The following SELENON variants were observed in gnomAD, a reference collection of about 807,000 sequenced individuals.
The protein encoded by SELENON is selenoprotein N, 1.
A neutral mutation model predicts 59.5 loss-of-function variants in SELENON; 44 were observed. That is an observed-to-expected ratio of 0.74 (90% confidence interval 0.58 to 0.95). The LOEUF is 0.95. SELENON is among the 40% of genes least tolerant of loss of function. SELENON has a pLI of 0.00. For synonymous variants in SELENON, 320 were observed against 305.6 expected (o/e 1.05, Z -0.49); for missense variants, 674 against 721.4 (o/e 0.93, Z 0.75).
chr1:25,814,746 C>G (rs1418867186), intron 12 of SELENON, among the ~76,000 whole-genome samples: 1 of 152,166 alleles, frequency 6.6e-6, no homozygotes, highest in Non-Finnish European at 1.5e-5. Context: ...CCGAGGCCTG[C>G]CCTTGAGCCT....
intron 10 of SELENON, among the ~76,000 whole-genome samples, chr1:25,813,394 G>A (rs1300093168): frequency 6.6e-6 from 1 of 152,246 alleles, no homozygotes; most frequent in East Asian, 1.9e-4. Flanking sequence ...GAGACACAGT[G>A]CAAAGGCAGA....
chr1:25,811,486 G>A lies in SELENON; in HGVS notation c.1043G>A (p.Gly348Glu). The A allele has an allele frequency of 6.2e-7, 1 of 1,614,092 alleles. No homozygotes were observed. The change falls in exon 8 of 13, where the codon GGG becomes GAG. Residue 348 changes from glycine to glutamate, a missense_variant. Physicochemically the swap from Gly to Glu is moderately conservative, Grantham distance 98. Coordinates refer to ENST00000361547, the MANE Select transcript of SELENON (RefSeq NM_020451.3). ...AATGTGGACATGGAGTGGCTTTACG[G>A]GGCCAGTGAAAGCAGCAACATGGAG...
In SELENON at chr1:25,809,777, G is replaced by A. The variant is rs1345963617; in HGVS notation, c.967G>A (p.Ala323Thr). The change falls in exon 7 of 13, where the codon GCC (alanine) becomes ACC (threonine). Residue 323 changes from alanine to threonine, a missense_variant. By Grantham distance (58) the Ala-to-Thr change is moderately conservative. Coordinates refer to ENST00000361547, the MANE Select transcript of SELENON (RefSeq NM_020451.3). ...CGGCCACATCATCCTCTCCAAAGAC[G>A]CCACCCACGTCCGCGACTTCCGGCT... is the stretch of plus-strand genomic sequence containing the variant. 3.7e-6 allele frequency: 6 copies of A among 1,613,954 alleles called. No individual in the cohort carries two copies. Among genetic ancestry groups the A allele is most frequent in the Admixed American group, 1.7e-5 (1 of 60,012 alleles).
intron 3 of SELENON, among the ~76,000 whole-genome samples, chr1:25,802,886 G>C (rs1459505812): frequency 6.6e-6 from 1 of 152,198 alleles, no homozygotes; most frequent in Admixed American, 6.5e-5. Context: ...GTGTAAGTCA[G>C]TCATTGATGG....
In SELENON at chr1:25,813,853, C is replaced by T. The variant is rs761998882; in HGVS notation, c.1388-28C>T. ...ATTGCACCCCAGCAAGATGTGGGGGCGCCTCACCCTTCTGTCTTCCTGAAC... is the reference window on the plus strand; with the variant it reads ...ATTGCACCCCAGCAAGATGTGGGGGTGCCTCACCCTTCTGTCTTCCTGAAC... On this transcript the variant is annotated intron_variant, in intron 10 of 12. Transcript: ENST00000361547. 9.6e-6 allele frequency: 15 copies of T among 1,565,176 alleles called. No individual in the cohort carries two copies. In the African/African-American group the frequency reaches 1.5e-4, roughly 16 times the overall value.
At chr1:25,808,905 C>T in intron 5 of SELENON, 116 bp downstream of exon 4, 1 of 1,575,606 alleles carries the variant, frequency 6.3e-7, no homozygotes. Context: ...TCCTGCCTTC[C>T]TCTGGACCTG....
chr1:25,812,827 G>A lies in SELENON; in HGVS notation c.1387+35G>A, dbSNP rs370258557. Reference sequence around the variant, plus strand: ...CCGGCTGGATCTAAGGGGAGCAGTGGGAAAGTCCACACCTTGTGGGGTACC... The same window carrying A: ...CCGGCTGGATCTAAGGGGAGCAGTGAGAAAGTCCACACCTTGTGGGGTACC... On this transcript the variant is annotated intron_variant, in intron 10 of 12. Coordinates refer to ENST00000361547, the MANE Select transcript of SELENON (RefSeq NM_020451.3). 1.1e-5 allele frequency: 16 copies of A among 1,515,106 alleles called. No homozygotes were observed. The African/African-American group carries it at 2.2e-4, about 21-fold the overall frequency. 93.9% of individuals were successfully genotyped at this position (1,515,106 alleles called of 1,614,324 possible).
intron 9 of SELENON, among the ~76,000 whole-genome samples, chr1:25,812,166 C>T (rs1361266844): frequency 2.0e-5 from 3 of 152,212 alleles, no homozygotes; most frequent in East Asian, 1.9e-4. Flanking sequence ...CATAGCGAGA[C>T]CCCATATCTA....
At chr1:25,812,365 AAAT>A (rs749667268) in intron 9 of SELENON, among the ~76,000 whole-genome samples, 11 of 152,044 alleles carry the variant, frequency 7.2e-5, no homozygotes, top group Non-Finnish European at 4.4e-5. Flanking sequence ...AAATAAATGA[AAAT>A]AATAATAATA....
Position 25,809,104 on chromosome 1 carries a change from G to T in SELENON, c.826G>T (p.Ala276Ser). ...CCGCTTTGCCCCTCAGGGAGCTGTG[G>T]CCTGCCTGACTGCCATCAGCGACTT... Residue 276 changes from alanine (A) to serine (S), a missense_variant, in exon 6 of 13, where the codon GCC becomes TCC. Ala to Ser is a moderately conservative substitution (Grantham distance 99). Transcript: ENST00000361547. 6.2e-7 allele frequency: 1 copy of T among 1,613,806 alleles called. No homozygotes were observed. Among genetic ancestry groups the T allele is most frequent in the Non-Finnish European group, 8.5e-7 (1 of 1,180,032 alleles).
intron 7 of SELENON, among the ~76,000 whole-genome samples, chr1:25,810,367 C>A (rs1440940243): frequency 6.6e-6 from 1 of 152,246 alleles, no homozygotes; most frequent in Non-Finnish European, 1.5e-5. Flanking sequence ...GCTTGCCTCA[C>A]CTCCTCAGGG....
Position 25,815,675 on chromosome 1 carries a change from TGAA to T in SELENON, c.1732_1734del (p.Lys578del). The T allele has an allele frequency of 1.9e-6, 3 of 1,614,178 alleles. No homozygotes were observed. Among genetic ancestry groups the T allele is most frequent in the Non-Finnish European group, 1.7e-6 (2 of 1,180,018 alleles). ...TCCACGGCCACCTACATGCAGTTCC[TGAA>T]GGAGGGACTCCGGCGTGGCCTGCCC... On this transcript the variant is annotated inframe_deletion, in exon 13 of 13. Transcript: ENST00000361547.
rs1255833732 is a variant in SELENON, at chr1:25,816,382, T to G, written c.*664T>G. 1 of 152,790 alleles carries G rather than the reference T, an allele frequency of 6.5e-6. No individual in the cohort carries two copies. Among genetic ancestry groups the G allele is most frequent in the East Asian group, 1.9e-4 (1 of 5,198 alleles). The allele number at this position is 152,790 out of a possible 1,614,324, so 9.5% of individuals were successfully genotyped here. ...ACCAGCTATCTGGGGAAGTTTACTGTGAAGGGGTTTCTGCCTTTAGCAATG... is the reference window on the plus strand; with the variant it reads ...ACCAGCTATCTGGGGAAGTTTACTGGGAAGGGGTTTCTGCCTTTAGCAATG... On this transcript the variant is annotated 3_prime_UTR_variant, in exon 13 of 13. Coordinates refer to ENST00000361547, the MANE Select transcript of SELENON (RefSeq NM_020451.3).
rs777382947 is a variant in SELENON, at chr1:25,807,839, C to T, written c.538-741C>T. ...TGTAGACAGCTCTGTGGTCTCTGAG[C>T]GTCCTCTCCGAGCCATCAGCTTGTC... On this transcript the variant is annotated intron_variant, in intron 4 of 12. Coordinates refer to ENST00000361547, the MANE Select transcript of SELENON (RefSeq NM_020451.3). The surrounding 1 kb of genome is among the most constrained non-coding windows in gnomAD (Gnocchi z 4.5). Among the ~76,000 whole-genome samples, 19 of 152,156 alleles carry T rather than the reference C, an allele frequency of 1.2e-4. No individual in the cohort carries two copies. Among genetic ancestry groups the T allele is most frequent in the Admixed American group, 2.6e-4 (4 of 15,268 alleles).
At chr1:25,811,305 TCC>T in intron 7 of SELENON, 147 bp from the exon 7 acceptor site, 1 of 798,362 alleles carries the variant, frequency 1.3e-6, no homozygotes, top group Non-Finnish European at 2.2e-6. Context: ...GCAGCCAGAA[TCC>T]CAGTGGCTCT....
rs377562721 is a variant in SELENON at position 25,808,759 on chromosome 1, C to T, written c.717C>T (p.Arg239=). Residue 239 remains arginine (R), a synonymous_variant, in exon 5 of 13, where the codon CGC becomes CGT. Coordinates refer to ENST00000361547, the MANE Select transcript of SELENON (RefSeq NM_020451.3). Reference sequence around the variant, plus strand: ...TCACTGGCTACCTGTCCAACAACCGCTTCTATCCACCGCCGCCCAAGGGCA... The same window carrying T: ...TCACTGGCTACCTGTCCAACAACCGTTTCTATCCACCGCCGCCCAAGGGCA... 141 of 1,613,818 alleles carry T rather than the reference C, an allele frequency of 8.7e-5. No individual in the cohort carries two copies. Among genetic ancestry groups the T allele is most frequent in the Non-Finnish European group, 1.2e-4 (137 of 1,179,976 alleles).
In SELENON at chr1:25,808,773, C is replaced by G; in HGVS notation, c.731C>G (p.Pro244Arg). 1 of 1,613,836 alleles carries G rather than the reference C, an allele frequency of 6.2e-7. No individual in the cohort carries two copies. The highest frequency in any genetic ancestry group is 1.3e-5 in the African/African-American group (1 of 75,062). ...TCCAACAACCGCTTCTATCCACCGC[C>G]GCCCAAGGGCAAGGAGGTGAGGACA... Residue 244 changes from proline to arginine, a missense_variant, in exon 5 of 13, where the codon CCG becomes CGG. Coordinates refer to ENST00000361547, the MANE Select transcript of SELENON (RefSeq NM_020451.3).
rs370843102 is a variant in SELENON at position 25,805,025 on chromosome 1, C to T, written c.404-117C>T. On this transcript the variant is annotated intron_variant, in intron 3 of 12. Coordinates refer to ENST00000361547, the MANE Select transcript of SELENON (RefSeq NM_020451.3). ...GTTGTTACTTTGGTGACTGTTAACA[C>T]CCCAGCTACCCCCACCCCCTGCCTG... 98 of 1,363,906 alleles carry T rather than the reference C, an allele frequency of 7.2e-5. No individual in the cohort carries two copies. The African/African-American group carries it at 1.3e-3, about 18-fold the overall frequency. 84.5% of individuals were successfully genotyped at this position (1,363,906 alleles called of 1,614,324 possible). A position where few individuals can be genotyped will look rare whatever the true frequency, so the allele number is the denominator to read the frequency against.
At position 25,815,666 on chromosome 1, in the gene SELENON, T is replaced by G; in HGVS notation, c.1721T>G (p.Met574Arg). 1 of 1,614,202 alleles carries G rather than the reference T, an allele frequency of 6.2e-7. No individual in the cohort carries two copies. Among genetic ancestry groups the G allele is most frequent in the East Asian group, 2.2e-5 (1 of 44,890 alleles). ...GAAGACCCGTCCACGGCCACCTACA[T>G]GCAGTTCCTGAAGGAGGGACTCCGG... Residue 574 changes from methionine (M) to arginine (R), a missense_variant, in exon 13 of 13, where the codon ATG (methionine) becomes AGG (arginine). Met to Arg is a moderately conservative substitution (Grantham distance 91, BLOSUM62 -1). Coordinates refer to ENST00000361547, the MANE Select transcript of SELENON (RefSeq NM_020451.3).
Sources: gnomAD v4.1 joint callset for allele counts (sites outside exome capture counted in the v4.1 genomes callset) on GRCh38, gnomAD v4.1.1 for gene constraint, Gnocchi (gnomAD v3.1) non-coding constraint, MANE v1.5 for transcripts, NCBI Gene and HGNC (gene_info 2026-07-23, HGNC 2026-07-21) for gene names.